SNAP91: variants seen among roughly 807,000 people sequenced by gnomAD.
SNAP91 encodes the protein synaptosome associated protein 91, also known as clathrin coat assembly protein AP180.
In SNAP91, 27 loss-of-function variants were observed where a neutral mutation model predicts 100.3. That is an observed-to-expected ratio of 0.27 (90% CI 0.20 to 0.37). The LOEUF is 0.37. SNAP91 is among the 10% of genes least tolerant of loss of function. SNAP91 has a pLI of 1.00. For missense variants in SNAP91, 986 were observed against 1,123.7 expected (o/e 0.88, Z 1.75); for synonymous variants, 404 against 398.6 (o/e 1.01, Z -0.16).
intron 3 of SNAP91, among the ~76,000 whole-genome samples, chr6:83,664,040 A>G (rs569685947): frequency 3.9e-4 from 60 of 152,146 alleles, no homozygotes; most frequent in Middle Eastern, 3.4e-3. Flanking sequence ...ATGATAGCAC[A>G]CTCTGTTTAT....
At chr6:83,692,317 C>T (rs2099141431) in intron 2 of SNAP91, among the ~76,000 whole-genome samples, 1 of 152,086 alleles carries the variant, frequency 6.6e-6, no homozygotes, top group African/African-American at 2.4e-5. Flanking sequence ...GAGTTCAAGA[C>T]CAGCCTGGCC....
At chr6:83,636,081 T>C (rs1295976372) in intron 8 of SNAP91, among the ~76,000 whole-genome samples, 8 of 152,180 alleles carry the variant, frequency 5.3e-5, no homozygotes, top group Non-Finnish European at 2.9e-5. Context: ...TTGTTCCTTT[T>C]CTCTAGCTGC....
chr6:83,670,244 C>CTT (rs34522653), intron 2 of SNAP91, among the ~76,000 whole-genome samples: 8,812 of 140,666 alleles, frequency 0.063, 290 homozygotes, highest in Middle Eastern at 0.091. Context: ...TGATATGGTC[C>CTT]TTTTTTTTTT....
At chr6:83,642,077 C>G (rs1014529308) in intron 7 of SNAP91, among the ~76,000 whole-genome samples, 1 of 152,096 alleles carries the variant, frequency 6.6e-6, no homozygotes, top group Non-Finnish European at 1.5e-5. Flanking sequence ...TACAGTAGTT[C>G]CCAGGCAACT....
At position 83,582,254 on chromosome 6, in the gene SNAP91, G is replaced by A. The variant is rs1829538026; in HGVS notation, c.2117C>T (p.Ser706Leu). ...NFEAAFGTTP[S>L]TSSSSSFDPS... ...ATCAAAGGAGCTGCTGCTGGAAGTTGAAGGCGTTGTCCCAAAAGCTGCCTC... is the reference window on the plus strand; with the variant it reads ...ATCAAAGGAGCTGCTGCTGGAAGTTAAAGGCGTTGTCCCAAAAGCTGCCTC... Residue 706 changes from serine to leucine, a missense_variant, in exon 23 of 30, where the codon TCA (serine) becomes TTA (leucine). Physicochemically the swap from Ser to Leu is moderately radical, Grantham distance 145. Coordinates refer to ENST00000369694, the MANE Select transcript of SNAP91 (RefSeq NM_001242792.2). The A allele has an allele frequency of 6.2e-7, 1 of 1,613,640 alleles. No homozygotes were observed. The highest frequency in any genetic ancestry group is 8.5e-7 in the Non-Finnish European group (1 of 1,179,718).
In SNAP91 at chr6:83,659,115, G is replaced by A. The variant is rs563691796; in HGVS notation, c.453-23C>T. Reference sequence around the variant, plus strand: ...GCCCTACAATTAAAAAAAAAAAAAAGGTACAATTTCATTGGATATGGACAA... The same window carrying A: ...GCCCTACAATTAAAAAAAAAAAAAAAGTACAATTTCATTGGATATGGACAA... On this transcript the variant is annotated intron_variant, in intron 5 of 29. Transcript: ENST00000369694. 65 of 1,322,996 alleles carry A rather than the reference G, an allele frequency of 4.9e-5. No homozygotes were observed. The South Asian group carries it at 7.2e-4, about 15-fold the overall frequency. 82.0% of individuals were successfully genotyped at this position (1,322,996 alleles called of 1,614,324 possible).
intron 8 of SNAP91, 99 bp from the exon 9 acceptor site, chr6:83,623,441 T>C (rs1329988462): frequency 1.4e-5 from 11 of 793,640 alleles, no homozygotes; most frequent in Admixed American, 1.1e-4. Context: ...CAGCTCAATA[T>C]TGGTGTAAAT....
At chr6:83,570,994 A>G (rs926703682) in intron 26 of SNAP91, among the ~76,000 whole-genome samples, 6 of 152,016 alleles carry the variant, frequency 3.9e-5, no homozygotes, top group South Asian at 4.2e-4. Flanking sequence ...AGCTTACACC[A>G]TGGTCCTGGA....
At chr6:83,613,953 C>A (rs569516491) in intron 11 of SNAP91, among the ~76,000 whole-genome samples, 25 of 151,846 alleles carry the variant, frequency 1.6e-4, no homozygotes, top group African/African-American at 5.1e-4. Flanking sequence ...AATGAATGAC[C>A]CATATAAGTA....
intron 2 of SNAP91, among the ~76,000 whole-genome samples, chr6:83,698,902 G>A (rs2099256999): frequency 6.6e-6 from 1 of 152,106 alleles, no homozygotes; most frequent in South Asian, 2.1e-4. Context: ...CATCATGATA[G>A]GCAGTATATA....
intron 26 of SNAP91, among the ~76,000 whole-genome samples, chr6:83,561,932 T>G (rs1788514448): frequency 6.6e-6 from 1 of 152,116 alleles, no homozygotes; most frequent in East Asian, 1.9e-4. Flanking sequence ...GAGGCTGAGG[T>G]GGGAGGACAG....
intron 8 of SNAP91, among the ~76,000 whole-genome samples, chr6:83,623,706 T>G (rs2096822515): frequency 6.6e-6 from 1 of 152,120 alleles, no homozygotes; most frequent in African/African-American, 2.4e-5. Flanking sequence ...GGATAGGGAA[T>G]GCTCATTTAG....
intron 25 of SNAP91, 125 bp from the exon 26 acceptor site, chr6:83,575,246 A>G: frequency 1.5e-6 from 1 of 688,130 alleles, no homozygotes; most frequent in East Asian, 2.8e-5. Flanking sequence ...GTGGTATAGT[A>G]ATAAGAACAG....
At chr6:83,704,399 G>T (rs2099353886) in intron 2 of SNAP91, among the ~76,000 whole-genome samples, 1 of 151,996 alleles carries the variant, frequency 6.6e-6, no homozygotes, top group Admixed American at 6.5e-5. Context: ...TCCTTACTTA[G>T]ATTATTAGGT....
At chr6:83,590,810 T>C (rs1240107151) in intron 22 of SNAP91, among the ~76,000 whole-genome samples, 2 of 152,232 alleles carry the variant, frequency 1.3e-5, no homozygotes, top group African/African-American at 4.8e-5. Flanking sequence ...ATTTGGAGCA[T>C]ACAAGAAGCC....
At chr6:83,665,050 G>A (rs1024621578) in intron 3 of SNAP91, among the ~76,000 whole-genome samples, 1 of 152,016 alleles carries the variant, frequency 6.6e-6, no homozygotes, top group Non-Finnish European at 1.5e-5. Flanking sequence ...ATTAAGATAT[G>A]TACTTTTTTT....
At chr6:83,647,094 G>A (rs113151374) in intron 7 of SNAP91, among the ~76,000 whole-genome samples, 4,294 of 139,346 alleles carry the variant, frequency 0.031, 78 homozygotes, top group East Asian at 0.061. Context: ...TTTTTTTGTC[G>A]ATTCTTTTGG....
At chr6:83,668,941 A>G (rs868086247) in intron 2 of SNAP91, among the ~76,000 whole-genome samples, 9 of 151,976 alleles carry the variant, frequency 5.9e-5, no homozygotes, top group South Asian at 4.1e-4. Flanking sequence ...TAACACACCA[A>G]TCCTACTGGA....
chr6:83,607,879 C>A, intron 12 of SNAP91, 71 bp from the exon 13 acceptor site: 1 of 812,248 alleles, frequency 1.2e-6, no homozygotes, highest in Non-Finnish European at 1.8e-6. Flanking sequence ...CAGGACTTTT[C>A]TTTGTATAAC....
Sources: gnomAD v4.1 joint callset for allele counts (sites outside exome capture counted in the v4.1 genomes callset) on GRCh38, gnomAD v4.1.1 for gene constraint, MANE v1.5 for transcripts, NCBI Gene and HGNC (gene_info 2026-07-23, HGNC 2026-07-21) for gene names.